The following PTPRN2 variants were observed in gnomAD, a reference collection of about 807,000 sequenced individuals.
PTPRN2 encodes receptor-type tyrosine-protein phosphatase N2.
In PTPRN2, 74 loss-of-function variants were observed where a neutral mutation model predicts 118.8. That is an observed-to-expected ratio of 0.62 (90% CI 0.52 to 0.76). The LOEUF is 0.76. Among genes scored for constraint, PTPRN2 ranks in the 30% least tolerant of loss-of-function variants. PTPRN2 has a pLI of 0.00. For synonymous variants in PTPRN2, 641 were observed against 608.0 expected (o/e 1.05, Z -0.80); for missense variants, 1,481 against 1,394.4 (o/e 1.06, Z -0.99).
rs959188962 is a variant in PTPRN2 at position 157,990,609 on chromosome 7, T to C, written c.1723+90689A>G. Among the ~76,000 whole-genome samples, 1 of 152,052 alleles carries C rather than the reference T, an allele frequency of 6.6e-6. No individual in the cohort carries two copies. Among genetic ancestry groups the C allele is most frequent in the Non-Finnish European group, 1.5e-5 (1 of 67,992 alleles). ...CGGTGGATGGGGGAGCAGGGCAGGC[T>C]GGGGGTCAGGGCTCAGGGCGGTGCT... On this transcript the variant is annotated intron_variant, in intron 11 of 22. Coordinates refer to ENST00000389418, the MANE Select transcript of PTPRN2 (RefSeq NM_002847.5). The surrounding 1 kb of genome is among the most constrained non-coding windows in gnomAD (Gnocchi z 4.3).
At chr7:158,110,746 G>A (rs1044812218) in intron 10 of PTPRN2, 83 bp downstream of exon 10, 101 of 1,275,862 alleles carry the variant, frequency 7.9e-5, no homozygotes, top group Middle Eastern at 1.8e-4. Context: ...CAAGAGCCAT[G>A]GGCTCGCAGC....
At chr7:157,800,119 CT>C (rs1184343847) in intron 12 of PTPRN2, among the ~76,000 whole-genome samples, 1 of 150,608 alleles carries the variant, frequency 6.6e-6, no homozygotes, top group Admixed American at 6.6e-5. Context: ...AGGCGGCCTC[CT>C]CCATCCCTCA....
intron 2 of PTPRN2, among the ~76,000 whole-genome samples, chr7:158,424,829 C>T (rs1163179124): frequency 2.6e-5 from 4 of 152,066 alleles, no homozygotes; most frequent in Non-Finnish European, 5.9e-5. Context: ...GTCCGGGGAC[C>T]TCGGGGCCCA....
rs1002041801 is a variant in PTPRN2, at chr7:157,576,739, A to C, written c.2657T>G (p.Leu886Arg). The stretch of plus-strand genomic sequence containing the variant: ...GTTCTTCAGATAGAAGCTCCTCACC[A>C]GGAAGTCCTCACACCAGATGTGCTC... ...VSEHIWCEDFLVRSFYLKNLQ... is the reference protein window; with the variant it reads ...VSEHIWCEDFRVRSFYLKNLQ... Residue 886 changes from leucine (L) to arginine (R), a missense_variant, in exon 19 of 23, where the codon CTG (leucine) becomes CGG (arginine). Leu to Arg is a moderately radical substitution (Grantham distance 102, BLOSUM62 -2). Around this residue, in one of 3 missense-constraint regions of PTPRN2, gnomAD observed 362 missense variants for 384.1 expected, o/e 0.94. Transcript: ENST00000389418. 1 of 1,609,024 alleles carries C rather than the reference A, an allele frequency of 6.2e-7. No individual in the cohort carries two copies. Among genetic ancestry groups the C allele is most frequent in the African/African-American group, 1.3e-5 (1 of 74,842 alleles).
intron 12 of PTPRN2, among the ~76,000 whole-genome samples, chr7:157,797,188 A>C (rs1804925430): frequency 6.6e-6 from 1 of 152,202 alleles, no homozygotes; most frequent in South Asian, 2.1e-4. Flanking sequence ...TTTCTCTGCA[A>C]TATGTAGGAT....
chr7:158,270,787 CTCCACCTGGA>C (rs1798304110), intron 3 of PTPRN2, among the ~76,000 whole-genome samples: 1 of 97,398 alleles, frequency 1.0e-5, no homozygotes, highest in Non-Finnish European at 2.1e-5. Context: ...TGGACCACCC[CTCCACCTGGA>C]CCACCCCCTC....
At chr7:158,515,932 G>A (rs1173561671) in intron 1 of PTPRN2, among the ~76,000 whole-genome samples, 1 of 152,096 alleles carries the variant, frequency 6.6e-6, no homozygotes, top group Non-Finnish European at 1.5e-5. Context: ...CAGTCTTTCT[G>A]GACGTTGTAA....
intron 11 of PTPRN2, among the ~76,000 whole-genome samples, chr7:157,932,812 G>C (rs1699609210): frequency 6.6e-6 from 1 of 150,434 alleles, no homozygotes; most frequent in Admixed American, 6.6e-5. Flanking sequence ...CTTTAGAGAA[G>C]TGACTCACTT....
At chr7:157,916,216 G>A (rs1257682772) in intron 11 of PTPRN2, among the ~76,000 whole-genome samples, 7 of 152,210 alleles carry the variant, frequency 4.6e-5, no homozygotes, top group Non-Finnish European at 8.8e-5. Flanking sequence ...CCCAGTCCAC[G>A]CTTTCCCCAG....
At position 157,977,369 on chromosome 7, in the gene PTPRN2, G is replaced by T. The variant is rs1563291119; in HGVS notation, c.1724-78632C>A. Among the ~76,000 whole-genome samples the T allele has an allele frequency of 6.6e-6, 1 of 151,876 alleles. No individual in the cohort carries two copies. The highest frequency in any genetic ancestry group is 1.5e-5 in the Non-Finnish European group (1 of 67,944). On this transcript the variant is annotated intron_variant, in intron 11 of 22. Coordinates refer to ENST00000389418, the MANE Select transcript of PTPRN2 (RefSeq NM_002847.5). The surrounding 1 kb of genome is among the most constrained non-coding windows in gnomAD (Gnocchi z 4.6). ...AAGTGGGAGGGGTTAATGTGCTCTG[G>T]AGTGACAGGGGTGGGAGGGGTTTAT... is the stretch of plus-strand genomic sequence containing the variant.
intron 5 of PTPRN2, among the ~76,000 whole-genome samples, chr7:158,169,556 C>G (rs989928990): frequency 6.6e-6 from 1 of 151,688 alleles, no homozygotes; most frequent in Non-Finnish European, 1.5e-5. Flanking sequence ...GCTGGGATTA[C>G]AGGCGTGAGC....
intron 14 of PTPRN2, among the ~76,000 whole-genome samples, chr7:157,649,186 T>C (rs1456858453): frequency 9.0e-5 from 8 of 88,648 alleles, no homozygotes; most frequent in South Asian, 1.1e-3. Context: ...TCGGACCCAT[T>C]CGCTGTGCAC....
intron 12 of PTPRN2, among the ~76,000 whole-genome samples, chr7:157,722,856 T>C (rs1799321535): frequency 6.6e-6 from 1 of 152,076 alleles, no homozygotes; most frequent in Non-Finnish European, 1.5e-5. Context: ...GGGTTCGATG[T>C]GGGGCCATGC....
intron 6 of PTPRN2, among the ~76,000 whole-genome samples, chr7:158,143,524 G>A (rs956975507): frequency 4.6e-5 from 7 of 152,194 alleles, no homozygotes; most frequent in Non-Finnish European, 8.8e-5. Flanking sequence ...ACCAGTCCCC[G>A]TGATGGAATT....
chr7:158,342,881 C>G (rs1331462296), intron 2 of PTPRN2, among the ~76,000 whole-genome samples: 6 of 151,874 alleles, frequency 4.0e-5, no homozygotes, highest in African/African-American at 7.3e-5. Context: ...GAGCCAAGAT[C>G]CAGGAAATAT....
At chr7:158,377,270 C>T (rs1465731603) in intron 2 of PTPRN2, among the ~76,000 whole-genome samples, 1 of 151,950 alleles carries the variant, frequency 6.6e-6, no homozygotes, top group Non-Finnish European at 1.5e-5. Flanking sequence ...CCCCCACAGC[C>T]CTGTCACACA....
Position 158,574,751 on chromosome 7 carries a change from A to G in PTPRN2, c.112+12807T>C, listed in dbSNP as rs1828233363. Among the ~76,000 whole-genome samples the G allele has an allele frequency of 6.6e-6, 1 of 152,236 alleles. No homozygotes were observed. Among genetic ancestry groups the G allele is most frequent in the Admixed American group, 6.5e-5 (1 of 15,280 alleles). On this transcript the variant is annotated intron_variant, in intron 1 of 22. Transcript: ENST00000389418. This position sits in a 1 kb window ranked among gnomAD's most constrained non-coding sequence, Gnocchi z 4.6. ...AATTCTTCCTCTGCTACATGTGAGGACTGCATGCCCGGCAGCTTCCTCCAC... is the reference window on the plus strand; with the variant it reads ...AATTCTTCCTCTGCTACATGTGAGGGCTGCATGCCCGGCAGCTTCCTCCAC...
intron 12 of PTPRN2, among the ~76,000 whole-genome samples, chr7:157,757,126 C>G (rs73744870): frequency 6.6e-6 from 1 of 152,098 alleles, no homozygotes; most frequent in Non-Finnish European, 1.5e-5. Context: ...TCCCCCACCC[C>G]CTAAAGAGAT....
At chr7:158,145,324 G>A (rs543233037) in intron 6 of PTPRN2, among the ~76,000 whole-genome samples, 5 of 140,406 alleles carry the variant, frequency 3.6e-5, no homozygotes, top group South Asian at 4.6e-4. Flanking sequence ...CTCACATCAC[G>A]GTGAGAAGGT....
Sources: gnomAD v4.1 joint callset for allele counts (sites outside exome capture counted in the v4.1 genomes callset) on GRCh38, gnomAD v4.1.1 for gene constraint, gnomAD v4.1.1 regional missense constraint, Gnocchi (gnomAD v3.1) non-coding constraint, MANE v1.5 for transcripts, NCBI Gene and HGNC (gene_info 2026-07-23, HGNC 2026-07-21) for gene names.